The following HPSE2 variants were observed in gnomAD, a reference collection of about 807,000 sequenced individuals.
HPSE2 encodes the protein inactive heparanase-2.
In HPSE2, 38 loss-of-function variants were observed where a neutral mutation model predicts 60.5. The ratio of observed to expected loss-of-function variants is 0.63; its 90% CI spans 0.48 to 0.82. The LOEUF (loss-of-function observed/expected upper bound fraction) is 0.82, where lower values mean the gene tolerates loss of function less well. Among genes scored for constraint, HPSE2 ranks in the 40% least tolerant of loss-of-function variants. HPSE2 has a pLI of 0.00. For missense variants in HPSE2, 713 were observed against 740.4 expected, an observed-to-expected ratio of 0.96 and a Z score of 0.43; for synonymous variants, 295 against 293.2, an observed-to-expected ratio of 1.01 and a Z score of -0.06.
intron 3 of HPSE2, among the ~76,000 whole-genome samples, chr10:98,811,149 ACTC>A (rs1017695391): frequency 2.8e-4 from 42 of 151,762 alleles, no homozygotes; most frequent in African/African-American, 1.0e-3. Context: ...CTTTGCCCAG[ACTC>A]CTCTTCCCAT....
At chr10:98,959,914 C>T (rs1955607026) in intron 3 of HPSE2, among the ~76,000 whole-genome samples, 1 of 152,094 alleles carries the variant, frequency 6.6e-6, no homozygotes, top group Admixed American at 6.6e-5. Context: ...TCTATTGCTA[C>T]CATAGAAGCC....
At chr10:99,189,282 G>A (rs1204825868) in intron 2 of HPSE2, among the ~76,000 whole-genome samples, 1 of 152,080 alleles carries the variant, frequency 6.6e-6, no homozygotes, top group Non-Finnish European at 1.5e-5. Context: ...ATTTTTACCG[G>A]CTTCTGGCTT....
At chr10:98,477,427 C>G (rs755777773) in intron 11 of HPSE2, among the ~76,000 whole-genome samples, 32 of 152,162 alleles carry the variant, frequency 2.1e-4, no homozygotes, top group Non-Finnish European at 4.6e-4. Flanking sequence ...GATCACCTCC[C>G]AGTGTCACTC....
chr10:98,789,475 T>C (rs1950609175), intron 3 of HPSE2, among the ~76,000 whole-genome samples: 1 of 152,210 alleles, frequency 6.6e-6, no homozygotes, highest in African/African-American at 2.4e-5. Context: ...GAAGTCAAAT[T>C]GCAATGCAGG....
chr10:98,834,267 G>C (rs1440195732), intron 3 of HPSE2, among the ~76,000 whole-genome samples: 2 of 152,138 alleles, frequency 1.3e-5, no homozygotes, highest in African/African-American at 2.4e-5. Context: ...TGAGACCCAT[G>C]AAATATACTA....
intron 4 of HPSE2, among the ~76,000 whole-genome samples, chr10:98,728,283 A>T (rs1170990792): frequency 6.6e-6 from 1 of 152,194 alleles, no homozygotes; most frequent in Non-Finnish European, 1.5e-5. Context: ...AGCACAAAGG[A>T]CTGGGGAATG....
At chr10:99,130,958 T>G (rs1589703831) in intron 3 of HPSE2, among the ~76,000 whole-genome samples, 1 of 152,090 alleles carries the variant, frequency 6.6e-6, no homozygotes, top group Non-Finnish European at 1.5e-5. Context: ...GAGAGTCAAT[T>G]CAGGTGGAAA....
chr10:98,529,036 G>C (rs997759859), intron 9 of HPSE2, among the ~76,000 whole-genome samples: 21 of 152,128 alleles, frequency 1.4e-4, no homozygotes, highest in African/African-American at 4.6e-4. Flanking sequence ...GTTCATTCGG[G>C]GCAGGGTCAC....
chr10:98,484,375 T>C (rs1263530801), intron 10 of HPSE2, among the ~76,000 whole-genome samples: 1 of 152,206 alleles, frequency 6.6e-6, no homozygotes, highest in African/African-American at 2.4e-5. Context: ...GTAGCTGAGA[T>C]TACAGGCGTG....
At chr10:99,208,216 T>C (rs1323879706) in intron 2 of HPSE2, among the ~76,000 whole-genome samples, 2 of 151,056 alleles carry the variant, frequency 1.3e-5, no homozygotes, top group African/African-American at 4.9e-5. Flanking sequence ...ACACAAAAGA[T>C]CAAAAACGAA....
At chr10:98,523,687 G>A (rs557874787) in intron 9 of HPSE2, among the ~76,000 whole-genome samples, 2 of 152,070 alleles carry the variant, frequency 1.3e-5, no homozygotes, top group African/African-American at 2.4e-5. Flanking sequence ...TCACCATTCC[G>A]CAGTTTTAAG....
chr10:99,029,572 G>A (rs1325946118), intron 3 of HPSE2, among the ~76,000 whole-genome samples: 1 of 152,224 alleles, frequency 6.6e-6, no homozygotes, highest in African/African-American at 2.4e-5. Flanking sequence ...TGGACAGGGG[G>A]CCCTTCCCTG....
At chr10:98,807,101 C>T (rs958972843) in intron 3 of HPSE2, among the ~76,000 whole-genome samples, 4 of 152,134 alleles carry the variant, frequency 2.6e-5, no homozygotes, top group Non-Finnish European at 5.9e-5. Context: ...TGAGACCATG[C>T]CACTGCACTC....
At chr10:99,113,621 T>C (rs1844560248) in intron 3 of HPSE2, among the ~76,000 whole-genome samples, 1 of 152,166 alleles carries the variant, frequency 6.6e-6, no homozygotes, top group Non-Finnish European at 1.5e-5. Context: ...TCAAAAACCA[T>C]TTTGCTCCAT....
chr10:98,633,996 A>C (rs1265617179), intron 7 of HPSE2, among the ~76,000 whole-genome samples: 1 of 152,198 alleles, frequency 6.6e-6, no homozygotes, highest in Non-Finnish European at 1.5e-5. Flanking sequence ...ATTCGGGGCC[A>C]CAAAAAGACT....
Position 98,876,209 on chromosome 10 carries a change from T to C in HPSE2, c.611-132153A>G, listed in dbSNP as rs532277852. 2.0e-5 allele frequency among the ~76,000 whole-genome samples: 3 copies of C among 152,000 alleles called. No individual in the cohort carries two copies. In the South Asian group the frequency reaches 6.2e-4, roughly 32 times the overall value. ...ATTATAGGAAGGAGTTAACTTTATG[T>C]TTAAACAAAATTTGAGAAGTAAAAA... On this transcript the variant is annotated intron_variant, in intron 3 of 11. Coordinates refer to ENST00000370552, the MANE Select transcript of HPSE2 (RefSeq NM_021828.5).
intron 3 of HPSE2, among the ~76,000 whole-genome samples, chr10:98,872,080 C>A (rs1303546460): frequency 6.6e-6 from 1 of 151,962 alleles, no homozygotes; most frequent in Non-Finnish European, 1.5e-5. Context: ...CTGTATCCAC[C>A]ATTTAGGCAT....
In HPSE2 at chr10:98,528,064, CT is replaced by C. The variant is rs1460278852; in HGVS notation, c.1321-37869del. Among the ~76,000 whole-genome samples the C allele has an allele frequency of 6.6e-5, 10 of 152,142 alleles. No homozygotes were observed. The East Asian group carries it at 1.5e-3, about 24-fold the overall frequency. ...TGTAGCAGTGGCAGCTTTGAAAAAA[CT>C]TTTTTTTCTTCTGTTACTTCCTACC... On this transcript the variant is annotated intron_variant, in intron 9 of 11. Coordinates refer to ENST00000370552, the MANE Select transcript of HPSE2 (RefSeq NM_021828.5).
chr10:99,039,631 C>G (rs2487890), intron 3 of HPSE2, among the ~76,000 whole-genome samples: 114,863 of 151,550 alleles, frequency 0.76, 46,275 homozygotes, highest in South Asian at 0.92. Context: ...TTTGCAGATA[C>G]AGAGTAAGTC....
Sources: allele counts gnomAD v4.1 joint callset (sites outside exome capture counted in the v4.1 genomes callset), GRCh38; gene constraint gnomAD v4.1.1; transcripts MANE v1.5; gene names NCBI Gene and HGNC (gene_info 2026-07-23, HGNC 2026-07-21).